Variants in HDAC9 observed in about 807,000 individuals in gnomAD.
HDAC9 encodes the protein histone deacetylase 9, also known as MEF-2 interacting transcription repressor (MITR) protein.
In HDAC9, 41 loss-of-function variants were observed where a neutral mutation model predicts 139.4. That is an observed-to-expected ratio of 0.29 (90% CI 0.23 to 0.38). The LOEUF (loss-of-function observed/expected upper bound fraction) is 0.38. Among genes scored for constraint, HDAC9 ranks in the 10% least tolerant of loss-of-function variants. The pLI, the probability that HDAC9 is intolerant of heterozygous loss-of-function variation, is 1.00. For missense variants in HDAC9, 1,147 were observed against 1,297.0 expected (o/e 0.88, Z 1.78); for synonymous variants, 517 against 476.2 (o/e 1.09, Z -1.12).
At chr7:18,605,891 AG>A (rs1164176864) in intron 6 of HDAC9, among the ~76,000 whole-genome samples, 2,894 of 152,180 alleles carry the variant, frequency 0.019, 96 homozygotes, top group African/African-American at 0.066. Context: ...CGTGTTAGCC[AG>A]GATGGTCTCC....
At position 18,996,152 on chromosome 7, in the gene HDAC9, C is replaced by T. The variant is rs1585526338; in HGVS notation, c.*90C>T. The T allele has an allele frequency of 4.4e-6, 4 of 909,336 alleles. No individual in the cohort carries two copies. In the East Asian group the frequency reaches 1.1e-4, roughly 24 times the overall value. 56.3% of individuals were successfully genotyped at this position (909,336 alleles called of 1,614,324 possible). Reference sequence around the variant, plus strand: ...CCCTCAGACATGTCTTGTCTGCTGCCTGGGTGGCACAGATTCAATGGAACA... The same window carrying T: ...CCCTCAGACATGTCTTGTCTGCTGCTTGGGTGGCACAGATTCAATGGAACA... On this transcript the variant is annotated 3_prime_UTR_variant, in exon 26 of 26. Transcript: ENST00000686413.
intron 2 of HDAC9, among the ~76,000 whole-genome samples, chr7:18,504,525 G>A (rs912916502): frequency 2.6e-5 from 4 of 152,190 alleles, no homozygotes; most frequent in Admixed American, 6.5e-5. Flanking sequence ...GGCTGGTCTC[G>A]AACTCCTGAC....
chr7:18,512,971 G>A (rs924075729), intron 2 of HDAC9, among the ~76,000 whole-genome samples: 3 of 152,250 alleles, frequency 2.0e-5, no homozygotes, highest in Admixed American at 6.5e-5. Context: ...AGAATACAAC[G>A]TTATTTTTAG....
chr7:18,092,887 T>C (rs866772787), intron 1 of HDAC9, among the ~76,000 whole-genome samples: 28 of 152,236 alleles, frequency 1.8e-4, no homozygotes, highest in African/African-American at 6.3e-4. Context: ...TACATTAGTC[T>C]GGGTATTGAC....
intron 13 of HDAC9, among the ~76,000 whole-genome samples, chr7:18,745,475 T>C (rs1787853889): frequency 6.6e-6 from 1 of 151,620 alleles, no homozygotes; most frequent in Admixed American, 6.6e-5. Flanking sequence ...AGCTTAGATA[T>C]GTCAAGAGAT....
At chr7:18,201,117 C>T (rs936870181) in intron 2 of HDAC9, among the ~76,000 whole-genome samples, 2 of 152,094 alleles carry the variant, frequency 1.3e-5, no homozygotes, top group Non-Finnish European at 2.9e-5. Context: ...GTGTCCGCCT[C>T]GCAACAGAAC....
At chr7:18,357,884 G>C (rs757493163) in intron 1 of HDAC9, among the ~76,000 whole-genome samples, 19 of 152,290 alleles carry the variant, frequency 1.2e-4, no homozygotes, top group Non-Finnish European at 2.1e-4. Flanking sequence ...TCTTTGTGAG[G>C]AGCTTGGATT....
chr7:18,207,665 CACTT>C lies in HDAC9; in HGVS notation c.25+45319_25+45322del, dbSNP rs551057608. On this transcript the variant is annotated intron_variant, in intron 2 of 12. Transcript: ENST00000417496. Reference sequence around the variant, plus strand: ...ACGTGTGCATGCATACACACACACACACTTACATACTGTCTCTCATAATTATTTA... The same window carrying C: ...ACGTGTGCATGCATACACACACACACACATACTGTCTCTCATAATTATTTA... Among the ~76,000 whole-genome samples the C allele has an allele frequency of 4.9e-3, 732 of 150,600 alleles. 3 individuals are homozygous for C. Among genetic ancestry groups the C allele is most frequent in the Non-Finnish European group, 7.9e-3 (532 of 67,728 alleles).
intron 5 of HDAC9, 106 bp downstream of exon 5, chr7:18,591,748 G>A (rs1008349709): frequency 4.1e-6 from 6 of 1,451,362 alleles, no homozygotes; most frequent in Non-Finnish European, 5.6e-6. Context: ...CAGCTGTCTG[G>A]CTGTGGGCAA....
intron 2 of HDAC9, chr7:18,509,273 C>A (rs1378167325): frequency 1.0e-6 from 1 of 985,186 alleles, no homozygotes. Flanking sequence ...CTATTTTAAT[C>A]TCCACTTAAC....
intron 11 of HDAC9, among the ~76,000 whole-genome samples, chr7:18,653,992 G>A (rs1790228164): frequency 6.6e-6 from 1 of 152,090 alleles, no homozygotes; most frequent in Non-Finnish European, 1.5e-5. Flanking sequence ...ATGCCTGTGT[G>A]TGTGTTAATG....
intron 22 of HDAC9, among the ~76,000 whole-genome samples, chr7:18,895,671 A>G (rs1801127881): frequency 6.6e-6 from 1 of 152,114 alleles, no homozygotes; most frequent in Admixed American, 6.6e-5. Flanking sequence ...ACTTTCAGTT[A>G]ATGCTGAGAT....
chr7:18,360,109 C>A (rs777728793), intron 1 of HDAC9, among the ~76,000 whole-genome samples: 5 of 152,150 alleles, frequency 3.3e-5, no homozygotes, highest in Non-Finnish European at 7.4e-5. Context: ...AGATTGTTTT[C>A]AGAAAGTTTT....
At chr7:18,973,051 AT>A (rs1784346756) in intron 24 of HDAC9, among the ~76,000 whole-genome samples, 1 of 152,196 alleles carries the variant, frequency 6.6e-6, no homozygotes, top group African/African-American at 2.4e-5. Flanking sequence ...GGAAGAGGCA[AT>A]TTAAAATTAG....
chr7:18,356,358 G>GTTTGTTTTTT, intron 1 of HDAC9, among the ~76,000 whole-genome samples: 1 of 55,140 alleles, frequency 1.8e-5, no homozygotes, highest in Non-Finnish European at 3.1e-5. Flanking sequence ...CAGCACATAG[G>GTTTGTTTTTT]TTTTTTTTTT....
intron 21 of HDAC9, among the ~76,000 whole-genome samples, chr7:18,853,249 G>A (rs1797434533): frequency 6.6e-6 from 1 of 151,960 alleles, no homozygotes; most frequent in South Asian, 2.1e-4. Context: ...AAATAAATAT[G>A]TCCAGGACTT....
intron 2 of HDAC9, among the ~76,000 whole-genome samples, chr7:18,254,873 A>G (rs1256351819): frequency 6.6e-6 from 1 of 152,188 alleles, no homozygotes; most frequent in East Asian, 1.9e-4. Context: ...GCTCTTTTCA[A>G]CTTCTGTAAA....
At chr7:18,795,902 C>T (rs955162817) in intron 17 of HDAC9, among the ~76,000 whole-genome samples, 6 of 152,194 alleles carry the variant, frequency 3.9e-5, no homozygotes, top group Middle Eastern at 3.4e-3. Flanking sequence ...TTTGTGGATT[C>T]GATTCATTCA....
chr7:18,193,663 C>T (rs1396045046), intron 2 of HDAC9, among the ~76,000 whole-genome samples: 1 of 152,138 alleles, frequency 6.6e-6, no homozygotes, highest in Non-Finnish European at 1.5e-5. Flanking sequence ...TCTATATTTG[C>T]TCTCATAACA....
Sources: gnomAD v4.1 joint callset for allele counts (sites outside exome capture counted in the v4.1 genomes callset) on GRCh38, gnomAD v4.1.1 for gene constraint, MANE v1.5 for transcripts, NCBI Gene and HGNC (gene_info 2026-07-23, HGNC 2026-07-21) for gene names.